Variants in PCDHA1 observed in about 807,000 individuals in gnomAD.
The protein encoded by PCDHA1 is protocadherin alpha-1.
Under a neutral mutation model 61.3 loss-of-function variants are expected in PCDHA1, and 42 were observed. The observed-to-expected ratio is 0.69, with a 90% CI of 0.54 to 0.89. PCDHA1 has a LOEUF of 0.89. PCDHA1 is among the 40% of genes least tolerant of loss of function. PCDHA1 has a pLI of 0.00. For missense variants in PCDHA1, 1,256 were observed against 1,235.3 expected (o/e 1.02, Z -0.25); for synonymous variants, 610 against 553.8 (o/e 1.10, Z -1.43).
At position 140,830,020 on chromosome 5, in the gene PCDHA1, G is replaced by C. The variant is rs2150179706; in HGVS notation, c.2394+41336G>C. On this transcript the variant is annotated intron_variant, in intron 1 of 3. Transcript: ENST00000504120. ...GTGTCCTGGACGAAGCGGACTCTCC[G>C]CGCCACCGGCTGCTGGTGCTGGTGA... 3 of 1,613,872 alleles carry C rather than the reference G, an allele frequency of 1.9e-6. No homozygotes were observed. The East Asian group carries it at 6.7e-5, about 36-fold the overall frequency.
chr5:140,883,508 G>C (rs939760233), intron 1 of PCDHA1: 19 of 1,614,202 alleles, frequency 1.2e-5, no homozygotes, highest in Non-Finnish European at 1.5e-5. Flanking sequence ...CAGCGCCCTG[G>C]ACCGCGAGAG....
Position 141,010,029 on chromosome 5 carries a change from A to G in PCDHA1, c.*92A>G, listed in dbSNP as rs2098415771. 1.1e-5 allele frequency: 17 copies of G among 1,580,452 alleles called. No individual in the cohort carries two copies. In the Admixed American group the frequency reaches 3.1e-4, roughly 29 times the overall value. On this transcript the variant is annotated 3_prime_UTR_variant, in exon 4 of 4. Coordinates refer to ENST00000504120, the MANE Select transcript of PCDHA1 (RefSeq NM_018900.4). ...AATTCCCTGCTCCTTTTTCCTATCT[A>G]CATGAGCCCTCTTAGAGACCTCAGA...
In PCDHA1 at chr5:140,805,258, G is replaced by A. The variant is rs1581671640; in HGVS notation, c.2394+16574G>A. 41 of 1,286,286 alleles carry A rather than the reference G, an allele frequency of 3.2e-5. 1 individual carries two copies. In the South Asian group the frequency reaches 8.8e-4, roughly 28 times the overall value. The allele number at this position is 1,286,286 out of a possible 1,614,324, so 79.7% of individuals were successfully genotyped here. On this transcript the variant is annotated intron_variant, in intron 1 of 3. Transcript: ENST00000504120. ...TCCCCATCTGTACATTAAAATACCT[G>A]GTAAATGAAAATATTACAAATGAAA...
intron 3 of PCDHA1, among the ~76,000 whole-genome samples, chr5:141,006,417 G>A (rs1010340395): frequency 6.6e-6 from 1 of 152,030 alleles, no homozygotes; most frequent in Admixed American, 6.6e-5. Flanking sequence ...GTTTCACTGT[G>A]TTAGCCAGGA....
intron 1 of PCDHA1, chr5:140,869,327 T>C: frequency 6.2e-7 from 1 of 1,613,922 alleles, no homozygotes; most frequent in Non-Finnish European, 8.5e-7. Context: ...GGGGACCTTC[T>C]GGAGGTAAAT....
At chr5:140,852,808 C>G in intron 1 of PCDHA1, 1 of 975,820 alleles carries the variant, frequency 1.0e-6, no homozygotes, top group Non-Finnish European at 1.2e-6. Context: ...TCATTTGTCT[C>G]CCGCCCTAAG....
At chr5:141,006,238 G>T (rs1298883912) in intron 3 of PCDHA1, among the ~76,000 whole-genome samples, 1 of 151,428 alleles carries the variant, frequency 6.6e-6, no homozygotes, top group East Asian at 1.9e-4. Flanking sequence ...TTTAGATGGA[G>T]TCTTGCTCTG....
At chr5:140,976,148 C>T (rs1563445972) in intron 1 of PCDHA1, among the ~76,000 whole-genome samples, 1 of 152,160 alleles carries the variant, frequency 6.6e-6, no homozygotes, top group Non-Finnish European at 1.5e-5. Flanking sequence ...AACTCATGTA[C>T]ATTTTACTAC....
At chr5:140,861,600 A>G (rs782505060) in intron 1 of PCDHA1, 3 of 371,010 alleles carry the variant, frequency 8.1e-6, no homozygotes, top group Non-Finnish European at 1.6e-5. Context: ...GAAAGTGAAG[A>G]ACAATAAAGA....
chr5:140,896,486 C>T (rs2065571972), intron 1 of PCDHA1, among the ~76,000 whole-genome samples: 2 of 151,948 alleles, frequency 1.3e-5, no homozygotes, highest in African/African-American at 4.8e-5. Context: ...CCTCAGCCTC[C>T]TGAGTAGCTG....
chr5:140,884,988 ATGTT>A (rs1398620689), intron 1 of PCDHA1, among the ~76,000 whole-genome samples: 1 of 152,242 alleles, frequency 6.6e-6, no homozygotes, highest in Non-Finnish European at 1.5e-5. Context: ...CATTTAGAAA[ATGTT>A]TGTTTTAATG....
At chr5:140,919,925 G>A (rs2079351459) in intron 1 of PCDHA1, among the ~76,000 whole-genome samples, 1 of 152,124 alleles carries the variant, frequency 6.6e-6, no homozygotes, top group African/African-American at 2.4e-5. Flanking sequence ...AAATTTTCAG[G>A]TGGGGGCTAA....
chr5:140,843,104 C>A (rs1327692669), intron 1 of PCDHA1: 3 of 1,595,712 alleles, frequency 1.9e-6, no homozygotes, highest in Non-Finnish European at 1.7e-6. Context: ...AGCGAAGGTG[C>A]GCGCAGTGGA....
intron 1 of PCDHA1, chr5:140,808,664 T>C (rs1554124680): frequency 3.7e-6 from 6 of 1,613,026 alleles, no homozygotes; most frequent in Non-Finnish European, 5.1e-6. Flanking sequence ...GGTGTCCTAC[T>C]CGCTGGTAGA....
At chr5:140,931,717 C>G (rs2087694120) in intron 1 of PCDHA1, among the ~76,000 whole-genome samples, 1 of 151,872 alleles carries the variant, frequency 6.6e-6, no homozygotes, top group Admixed American at 6.6e-5. Flanking sequence ...AAAATAACTT[C>G]TATAAATATG....
chr5:141,001,842 A>G (rs574186951), intron 3 of PCDHA1, among the ~76,000 whole-genome samples: 108 of 152,288 alleles, frequency 7.1e-4, no homozygotes, highest in Non-Finnish European at 1.3e-3. Context: ...GGAGACAGAG[A>G]GAGAGGTTGA....
intron 1 of PCDHA1, among the ~76,000 whole-genome samples, chr5:140,838,285 T>A (rs1262712034): frequency 2.0e-5 from 3 of 149,460 alleles, no homozygotes; most frequent in Admixed American, 6.6e-5. Flanking sequence ...TGCTAATTTT[T>A]TTTTTTTTTT....
chr5:140,787,062 G>T lies in PCDHA1; in HGVS notation c.772G>T (p.Gly258Ter). ...CCACTTGTTAGAGACTACAGCAAATGGAACATTAGTGACCACATTAAATGC... is the reference window on the plus strand; with the variant it reads ...CCACTTGTTAGAGACTACAGCAAATTGAACATTAGTGACCACATTAAATGC... ...RVHLLETTAN[G>*]TLVTTLNASD... The change falls in exon 1 of 4, where the codon GGA becomes TGA. Residue 258 changes from glycine to a stop codon, truncating the protein, a stop_gained. Transcript: ENST00000504120. LOFTEE classifies it high-confidence loss of function. The T allele has an allele frequency of 6.2e-7, 1 of 1,614,182 alleles. No homozygotes were observed.
chr5:140,805,522 C>T, intron 1 of PCDHA1: 2 of 986,750 alleles, frequency 2.0e-6, no homozygotes, highest in African/African-American at 3.5e-5. Flanking sequence ...TTTGTTTAGA[C>T]AAACAGGATG....
Sources: allele counts gnomAD v4.1 joint callset (sites outside exome capture counted in the v4.1 genomes callset), GRCh38; gene constraint gnomAD v4.1.1; transcripts MANE v1.5; gene names NCBI Gene and HGNC (gene_info 2026-07-23, HGNC 2026-07-21).